TMEM108: variants seen among roughly 807,000 people sequenced by gnomAD.
The protein encoded by TMEM108 is transmembrane protein 108.
Under a neutral mutation model 35.1 loss-of-function variants are expected in TMEM108, and 12 were observed. The observed-to-expected ratio is 0.34, with a 90% confidence interval of 0.22 to 0.55. The LOEUF (loss-of-function observed/expected upper bound fraction) is 0.55. Ranked by LOEUF, TMEM108 falls within the 20% of genes least tolerant of loss-of-function variation. TMEM108 has a pLI of 0.89. For missense variants in TMEM108, 680 were observed against 753.3 expected, an observed-to-expected ratio of 0.90 and a Z score of 1.14; for synonymous variants, 287 against 308.6, an observed-to-expected ratio of 0.93 and a Z score of 0.73.
At chr3:133,271,563 G>A (rs1005777997) in intron 3 of TMEM108, among the ~76,000 whole-genome samples, 5 of 152,150 alleles carry the variant, frequency 3.3e-5, no homozygotes, top group Admixed American at 2.0e-4. Context: ...TGCTGTTCAC[G>A]AGAGAGAAAT....
chr3:133,381,278 A>C, intron 4 of TMEM108, 117 bp downstream of exon 4: 1 of 1,134,056 alleles, frequency 8.8e-7, no homozygotes, highest in Non-Finnish European at 1.2e-6. Context: ...AATTCCCAGA[A>C]TCTCAGGAAA....
At chr3:133,149,941 C>T (rs1164675027) in intron 2 of TMEM108, among the ~76,000 whole-genome samples, 1 of 152,068 alleles carries the variant, frequency 6.6e-6, no homozygotes, top group South Asian at 2.1e-4. Context: ...AATAGTGCTG[C>T]AATAAATATG....
At position 133,397,645 on chromosome 3, in the gene TMEM108, TTATATATAA is replaced by T. The variant is rs2073324588; in HGVS notation, c.*1665_*1673del. The T allele has an allele frequency of 6.6e-6, 1 of 152,160 alleles. No homozygotes were observed. The highest frequency in any genetic ancestry group is 2.4e-5 in the African/African-American group (1 of 41,448). 9.4% of individuals were successfully genotyped at this position (152,160 alleles called of 1,614,324 possible). ...GAAAAATCTGTTTGTAAAGTAAAAT[TTATATATAA>T]TATATGTAATCAAAGATACATATGT... On this transcript the variant is annotated 3_prime_UTR_variant, in exon 6 of 6. Coordinates refer to ENST00000321871, the MANE Select transcript of TMEM108 (RefSeq NM_023943.4).
intron 3 of TMEM108, among the ~76,000 whole-genome samples, chr3:133,251,056 G>T (rs1311683191): frequency 1.3e-5 from 2 of 152,128 alleles, no homozygotes; most frequent in Non-Finnish European, 2.9e-5. Context: ...GCTTTGCTGG[G>T]TAGTCTGGGC....
intron 2 of TMEM108, among the ~76,000 whole-genome samples, chr3:133,220,207 TG>T (rs1176632304): frequency 6.6e-6 from 1 of 152,140 alleles, no homozygotes; most frequent in Non-Finnish European, 1.5e-5. Context: ...TCATTTTGTA[TG>T]TGTCCTTAAA....
Position 133,386,853 on chromosome 3 carries a change from T to G in TMEM108, c.1451-3327T>G, listed in dbSNP as rs1046227217. 4.8e-6 allele frequency: 3 copies of G among 624,064 alleles called. No homozygotes were observed. The Admixed American group carries it at 1.7e-4, about 34-fold the overall frequency. 38.7% of individuals were successfully genotyped at this position (624,064 alleles called of 1,614,324 possible). A position where few individuals can be genotyped will look rare whatever the true frequency, so the allele number is the denominator to read the frequency against. On this transcript the variant is annotated intron_variant, in intron 4 of 5. Transcript: ENST00000321871. Reference sequence around the variant, plus strand: ...CCTGGACTCAAGTTGCAGTAATTAGTTGGGTGATCAAGATCAATACTATTA... The same window carrying G: ...CCTGGACTCAAGTTGCAGTAATTAGGTGGGTGATCAAGATCAATACTATTA...
chr3:133,062,316 T>A (rs115518060), intron 2 of TMEM108, among the ~76,000 whole-genome samples: 1 of 152,346 alleles, frequency 6.6e-6, no homozygotes, highest in Non-Finnish European at 1.5e-5. Context: ...TCTATTAACG[T>A]CTCATCTTTA....
At chr3:133,374,027 A>C (rs149398066) in intron 3 of TMEM108, among the ~76,000 whole-genome samples, 15 of 152,182 alleles carry the variant, frequency 9.9e-5, no homozygotes, top group Admixed American at 7.2e-4. Flanking sequence ...ACTCTCTGCA[A>C]GGTCTCTTTA....
intron 3 of TMEM108, among the ~76,000 whole-genome samples, chr3:133,283,009 A>G (rs184518398): frequency 1.2e-3 from 178 of 152,338 alleles, no homozygotes; most frequent in African/African-American, 4.1e-3. Flanking sequence ...TAAACAAGAA[A>G]ACTCAGGAAG....
intron 2 of TMEM108, among the ~76,000 whole-genome samples, chr3:133,073,508 C>CTATATATATATATATA (rs1273905276): frequency 5.8e-5 from 4 of 68,988 alleles, no homozygotes; most frequent in Non-Finnish European, 8.0e-5. Flanking sequence ...CTCTCTCTCT[C>CTATATATATATATATA]TCTATATATA....
At position 133,233,223 on chromosome 3, in the gene TMEM108, T is replaced by C. The variant is rs548601225; in HGVS notation, c.40+3872T>C. Among the ~76,000 whole-genome samples, 3 of 152,236 alleles carry C rather than the reference T, an allele frequency of 2.0e-5. No homozygotes were observed. The South Asian group carries it at 6.2e-4, about 32-fold the overall frequency. ...CCCCACAACAGTCCCCAGAGTGTGA[T>C]GTTCCCCTTCCTGTGTCCACGTGTT... On this transcript the variant is annotated intron_variant, in intron 3 of 5. Transcript: ENST00000321871.
At chr3:133,312,521 G>GGT (rs1353326957) in intron 3 of TMEM108, among the ~76,000 whole-genome samples, 4 of 152,234 alleles carry the variant, frequency 2.6e-5, no homozygotes, top group African/African-American at 9.6e-5. Flanking sequence ...AGGCTCTGTG[G>GGT]GTGTGGGACC....
At chr3:133,391,065 A>G (rs1367951669) in intron 5 of TMEM108, among the ~76,000 whole-genome samples, 1 of 152,162 alleles carries the variant, frequency 6.6e-6, no homozygotes, top group Non-Finnish European at 1.5e-5. Context: ...TAAAGGCCCA[A>G]TTAGACACAG....
chr3:133,123,541 T>C (rs1009675401), intron 2 of TMEM108, among the ~76,000 whole-genome samples: 8 of 152,166 alleles, frequency 5.3e-5, no homozygotes, highest in African/African-American at 1.7e-4. Flanking sequence ...TAAGTGAAAA[T>C]AGTATCTTAT....
chr3:133,173,907 G>C (rs1358171673), intron 2 of TMEM108, among the ~76,000 whole-genome samples: 1 of 152,242 alleles, frequency 6.6e-6, no homozygotes, highest in Non-Finnish European at 1.5e-5. Flanking sequence ...AGCACAAGGG[G>C]TTAGGGAATT....
intron 2 of TMEM108, among the ~76,000 whole-genome samples, chr3:133,098,277 G>T (rs552802405): frequency 6.6e-6 from 1 of 152,290 alleles, no homozygotes; most frequent in African/African-American, 2.4e-5. Flanking sequence ...ATCAGATCTT[G>T]TGAGACTTAT....
chr3:133,232,689 C>G (rs970555388), intron 3 of TMEM108, among the ~76,000 whole-genome samples: 33 of 152,220 alleles, frequency 2.2e-4, no homozygotes, highest in African/African-American at 7.7e-4. Flanking sequence ...GCAGGCAATG[C>G]TATTGAGGTT....
rs112517024 is a variant in TMEM108, at chr3:133,196,329, C to T, written c.-46-32937C>T. Among the ~76,000 whole-genome samples, 9 of 152,140 alleles carry T rather than the reference C, an allele frequency of 5.9e-5. No individual in the cohort carries two copies. The South Asian group carries it at 1.2e-3, about 21-fold the overall frequency. On this transcript the variant is annotated intron_variant, in intron 2 of 5. Coordinates refer to ENST00000321871, the MANE Select transcript of TMEM108 (RefSeq NM_023943.4). ...GCTCCCACAGAGCTTTTTATCACCACGTAGCCTATGAGCTTGGAGCCTACC... is the reference window on the plus strand; with the variant it reads ...GCTCCCACAGAGCTTTTTATCACCATGTAGCCTATGAGCTTGGAGCCTACC...
At chr3:133,164,757 G>T (rs139202539) in intron 2 of TMEM108, among the ~76,000 whole-genome samples, 1 of 152,104 alleles carries the variant, frequency 6.6e-6, no homozygotes, top group East Asian at 1.9e-4. Flanking sequence ...AGGGGTTCTT[G>T]TGCACCTTAA....
Sources: gnomAD v4.1 joint callset for allele counts (sites outside exome capture counted in the v4.1 genomes callset) on GRCh38, gnomAD v4.1.1 for gene constraint, MANE v1.5 for transcripts, NCBI Gene and HGNC (gene_info 2026-07-23, HGNC 2026-07-21) for gene names.